Variants in SLC4A3 observed in about 807,000 individuals in gnomAD.
SLC4A3 encodes solute carrier family 4 member 3, also known as anion exchange protein 3.
In SLC4A3, 47 loss-of-function variants were observed where a neutral mutation model predicts 114.2. The observed-to-expected ratio is 0.41, with a 90% CI of 0.33 to 0.52. The LOEUF is 0.52. Among genes scored for constraint, SLC4A3 ranks in the 20% least tolerant of loss-of-function variants. SLC4A3 has a pLI of 0.21. For missense variants in SLC4A3, 1,312 were observed against 1,668.3 expected (o/e 0.79, Z 3.72); for synonymous variants, 693 against 710.3 (o/e 0.98, Z 0.39).
In SLC4A3 at chr2:219,636,657, C is replaced by T. The variant is rs201346229; in HGVS notation, c.2341-23C>T. On this transcript the variant is annotated intron_variant, in intron 15 of 22. Coordinates refer to ENST00000358055, the MANE Select transcript of SLC4A3 (RefSeq NM_005070.4). The surrounding 1 kb of genome is among the most constrained non-coding windows in gnomAD (Gnocchi z 5.5). ...CCCAGGGCAGTCCACCTGTGGGTAA[C>T]GACCGCTCCTACCCCCACCTAGTTC... is the stretch of plus-strand genomic sequence containing the variant. 1.4e-5 allele frequency: 23 copies of T among 1,599,380 alleles called. No homozygotes were observed. The highest frequency in any genetic ancestry group is 1.1e-4 in the East Asian group (5 of 44,748).
At chr2:219,635,625 C>T (rs1329453020) in intron 13 of SLC4A3, 48 bp from the exon 14 acceptor site, 20 of 1,516,178 alleles carry the variant, frequency 1.3e-5, no homozygotes, top group Middle Eastern at 1.7e-4. Context: ...CCGGGGCCTC[C>T]GAGCCAGAGG....
In SLC4A3 at chr2:219,635,751, G is replaced by A; in HGVS notation, c.2051G>A (p.Gly684Glu). The change falls in exon 14 of 23, where the codon GGG becomes GAG. Residue 684 changes from glycine to glutamate, a missense_variant. Coordinates refer to ENST00000358055, the MANE Select transcript of SLC4A3 (RefSeq NM_005070.4). ...PLLRTGSVFG[G>E]LVRDVRRRYP... ...CTGCGGACGGGCTCGGTATTTGGGG[G>A]GCTTGTGCGGGATGTGAGGCGCCGG... 1 of 1,595,076 alleles carries A rather than the reference G, an allele frequency of 6.3e-7. No individual in the cohort carries two copies. The highest frequency in any genetic ancestry group is 8.5e-7 in the Non-Finnish European group (1 of 1,173,368).
chr2:219,629,841 G>T, intron 5 of SLC4A3, 146 bp downstream of exon 5: 1 of 314,974 alleles, frequency 3.2e-6, no homozygotes. Flanking sequence ...GGGGGGTGGG[G>T]ATCCTTCTCT....
chr2:219,631,021 A>G lies in SLC4A3; in HGVS notation c.811+669A>G, dbSNP rs545123686. The G allele has an allele frequency of 8.4e-5, 54 of 642,550 alleles. No individual in the cohort carries two copies. The African/African-American group carries it at 1.1e-3, about 13-fold the overall frequency. The allele number at this position is 642,550 out of a possible 1,614,324, so 39.8% of individuals were successfully genotyped here. ...ACAGGAACAATCCGATGGCAGCAGT[A>G]GCAGCAGGATGGGGGGTGGGGGAGG... On this transcript the variant is annotated intron_variant, in intron 6 of 22. Coordinates refer to ENST00000358055, the MANE Select transcript of SLC4A3 (RefSeq NM_005070.4). The surrounding 1 kb of genome is among the most constrained non-coding windows in gnomAD (Gnocchi z 6.3).
chr2:219,637,021 C>A lies in SLC4A3; in HGVS notation c.2535+147C>A. ...TGAGGGGTTCTAGGGACACCCTAGG[C>A]TAGGTCTGAGCTGAAGGGGAGGGAG... On this transcript the variant is annotated intron_variant, in intron 16 of 22. Coordinates refer to ENST00000358055, the MANE Select transcript of SLC4A3 (RefSeq NM_005070.4). The surrounding 1 kb of genome is among the most constrained non-coding windows in gnomAD (Gnocchi z 4.6). The A allele has an allele frequency of 2.7e-6, 2 of 749,416 alleles. No individual in the cohort carries two copies. The highest frequency in any genetic ancestry group is 1.8e-5 in the South Asian group (1 of 55,650). 46.4% of individuals were successfully genotyped at this position (749,416 alleles called of 1,614,324 possible). A position where few individuals can be genotyped will look rare whatever the true frequency, so the allele number is the denominator to read the frequency against.
chr2:219,633,174 G>A, intron 9 of SLC4A3, 100 bp from the exon 10 acceptor site: 1 of 1,376,050 alleles, frequency 7.3e-7, no homozygotes, highest in South Asian at 1.4e-5. Flanking sequence ...TTTTTACACT[G>A]AGGCAGAGGG....
Position 219,628,267 on chromosome 2 carries a change from A to C in SLC4A3, c.52-138A>C. 1.0e-6 allele frequency: 1 copy of C among 980,000 alleles called. No individual in the cohort carries two copies. Among genetic ancestry groups the C allele is most frequent in the Non-Finnish European group, 1.5e-6 (1 of 674,362 alleles). 60.7% of individuals were successfully genotyped at this position (980,000 alleles called of 1,614,324 possible). A position where few individuals can be genotyped will look rare whatever the true frequency, so the allele number is the denominator to read the frequency against. ...AGAGAGGGTGGTTTCTGGGATGCTG[A>C]CACAGGCCTGGGAGCAAGGGGAGGG... On this transcript the variant is annotated intron_variant, in intron 2 of 22. Transcript: ENST00000358055. The surrounding 1 kb of genome is among the most constrained non-coding windows in gnomAD (Gnocchi z 4.8).
chr2:219,635,240 C>T (rs773112046), intron 12 of SLC4A3, 31 bp from the exon 13 acceptor site: 2 of 1,594,472 alleles, frequency 1.3e-6, no homozygotes, highest in South Asian at 2.2e-5. Context: ...TTGGCTGTCC[C>T]TGAGGGTCCT....
At position 219,637,444 on chromosome 2, in the gene SLC4A3, G is replaced by A. The variant is rs1240666848; in HGVS notation, c.2536-137G>A. 2.3e-5 allele frequency: 14 copies of A among 601,254 alleles called. No individual in the cohort carries two copies. The highest frequency in any genetic ancestry group is 3.0e-4 in the Middle Eastern group (1 of 3,362). 37.2% of individuals were successfully genotyped at this position (601,254 alleles called of 1,614,324 possible). On this transcript the variant is annotated intron_variant, in intron 16 of 22. Coordinates refer to ENST00000358055, the MANE Select transcript of SLC4A3 (RefSeq NM_005070.4). The surrounding 1 kb of genome is among the most constrained non-coding windows in gnomAD (Gnocchi z 4.6). Reference sequence around the variant, plus strand: ...GTGTTCTGTGTGTTGTGTGTGTGGTGCAGCTGGATGTCCGTGCATTACTGT... The same window carrying A: ...GTGTTCTGTGTGTTGTGTGTGTGGTACAGCTGGATGTCCGTGCATTACTGT...
chr2:219,637,612 AC>A lies in SLC4A3; in HGVS notation c.2573del (p.Pro858LeufsTer49). Reference sequence around the variant, plus strand: ...ACAGAGCACCCACTGCTGCCGTTCTACCCCCCTGAGGGGGCCCTGGAGGGGT... The same window carrying A: ...ACAGAGCACCCACTGCTGCCGTTCTACCCCCTGAGGGGGCCCTGGAGGGGT... ...VFTEHPLLPF[Y>X]PPEGALEGSL... is the part of the protein sequence containing the mutation. On this transcript the variant is annotated frameshift_variant, in exon 17 of 23. Coordinates refer to ENST00000358055, the MANE Select transcript of SLC4A3 (RefSeq NM_005070.4). LOFTEE classifies it high-confidence loss of function. The surrounding 1 kb of genome is among the most constrained non-coding windows in gnomAD (Gnocchi z 4.6). 1 of 1,605,166 alleles carries A rather than the reference AC, an allele frequency of 6.2e-7. No homozygotes were observed. Among genetic ancestry groups the A allele is most frequent in the Non-Finnish European group, 8.5e-7 (1 of 1,174,086 alleles).
At chr2:219,634,211 C>G (rs1699039207) in intron 11 of SLC4A3, among the ~76,000 whole-genome samples, 1 of 152,236 alleles carries the variant, frequency 6.6e-6, no homozygotes, top group African/African-American at 2.4e-5. Context: ...GAAAAAAAAG[C>G]AACACTTCTT....
chr2:219,633,669 T>C (rs1056980545), intron 10 of SLC4A3, among the ~76,000 whole-genome samples: 2 of 152,156 alleles, frequency 1.3e-5, no homozygotes, highest in Non-Finnish European at 2.9e-5. Context: ...ACAGGAGCTG[T>C]TTAAACAAGA....
At chr2:219,633,106 C>A in intron 9 of SLC4A3, 97 bp downstream of exon 9, 1 of 1,470,440 alleles carries the variant, frequency 6.8e-7, no homozygotes, top group Non-Finnish European at 9.3e-7. Flanking sequence ...GCTTGAATGC[C>A]ACAAGTGACA....
rs761206335 is a variant in SLC4A3, at chr2:219,633,047, C to T, written c.1277+38C>T. On this transcript the variant is annotated intron_variant, in intron 9 of 22. Coordinates refer to ENST00000358055, the MANE Select transcript of SLC4A3 (RefSeq NM_005070.4). ...GTCCCTGGGAGGGGCCTGTCCAGCT[C>T]AGCTGCCCTTCCAGGAGCACATCCT... is the stretch of plus-strand genomic sequence containing the variant. 1.0e-5 allele frequency: 16 copies of T among 1,605,756 alleles called. No homozygotes were observed. In the Admixed American group the frequency reaches 2.5e-4, roughly 25 times the overall value.
rs1197072744 is a variant in SLC4A3, at chr2:219,630,109, G to A, written c.612-44G>A. On this transcript the variant is annotated intron_variant, in intron 5 of 22. Transcript: ENST00000358055. The surrounding 1 kb of genome is among the most constrained non-coding windows in gnomAD (Gnocchi z 6.9). ...GCTGAGGGACGGTGATGGAACCACCGACCTGGCCCTGTCAAGTCCAAGGCT... is the reference window on the plus strand; with the variant it reads ...GCTGAGGGACGGTGATGGAACCACCAACCTGGCCCTGTCAAGTCCAAGGCT... The A allele has an allele frequency of 5.6e-6, 9 of 1,606,686 alleles. No individual in the cohort carries two copies. The highest frequency in any genetic ancestry group is 1.7e-5 in the Admixed American group (1 of 59,600).
In SLC4A3 at chr2:219,637,825, G is replaced by A; in HGVS notation, c.2766+14G>A. On this transcript the variant is annotated intron_variant, in intron 17 of 22. Coordinates refer to ENST00000358055, the MANE Select transcript of SLC4A3 (RefSeq NM_005070.4). The surrounding 1 kb of genome is among the most constrained non-coding windows in gnomAD (Gnocchi z 4.6). ...CTGGGGGGCAAGGTGCGTGGCTGCT[G>A]GGTGTGGAGCCCCCAAGAGTCCCAC... is the stretch of plus-strand genomic sequence containing the variant. 6.3e-7 allele frequency: 1 copy of A among 1,583,010 alleles called. No homozygotes were observed. Among genetic ancestry groups the A allele is most frequent in the Non-Finnish European group, 8.7e-7 (1 of 1,151,842 alleles).
rs367773989 is a variant in SLC4A3, at chr2:219,632,312, C to T, written c.1011C>T (p.His337=). The change falls in exon 8 of 23, where the codon CAC becomes CAT. Residue 337 remains histidine (H), a synonymous_variant. Coordinates refer to ENST00000358055, the MANE Select transcript of SLC4A3 (RefSeq NM_005070.4). ...TGCTGGACCGCAGCCAGGAGCCCCA[C>T]TGGCGGGAGACGGCCCGCTGGATCA... ...ELMLDRSQEP[H]WRETARWIKF... The T allele has an allele frequency of 9.9e-6, 16 of 1,614,000 alleles. No homozygotes were observed. The African/African-American group carries it at 2.1e-4, about 22-fold the overall frequency.
In SLC4A3 at chr2:219,628,875, A is replaced by G. The variant is rs1698816262; in HGVS notation, c.218-269A>G. On this transcript the variant is annotated intron_variant, in intron 3 of 22. Coordinates refer to ENST00000358055, the MANE Select transcript of SLC4A3 (RefSeq NM_005070.4). This position sits in a 1 kb window ranked among gnomAD's most constrained non-coding sequence, Gnocchi z 4.8. ...ACTCCCTCCTTGTCCCACCTCGGCT[A>G]GTCCAACTCCGCCTTTCCCCTCCTT... The G allele has an allele frequency of 1.4e-5, 8 of 577,524 alleles. No individual in the cohort carries two copies. The highest frequency in any genetic ancestry group is 3.0e-6 in the Non-Finnish European group (1 of 331,272). The allele number at this position is 577,524 out of a possible 1,614,324, so 35.8% of individuals were successfully genotyped here.
rs748906641 is a variant in SLC4A3, at chr2:219,640,933, C to G, written c.3592C>G (p.Arg1198Gly). Residue 1198 changes from arginine to glycine, a missense_variant, in exon 22 of 23, where the codon CGG (arginine) becomes GGG (glycine). Arg to Gly is a moderately radical substitution (Grantham distance 125). Transcript: ENST00000358055. ...GCCTCTGAGGCATTGCCTTCTGCCCCGGCTCTTCCAGGACAGGGAGCTGCA... is the reference window on the plus strand; with the variant it reads ...GCCTCTGAGGCATTGCCTTCTGCCCGGGCTCTTCCAGGACAGGGAGCTGCA... ...TVPLRHCLLP[R>G]LFQDRELQAL... 1.2e-6 allele frequency: 2 copies of G among 1,608,296 alleles called. No individual in the cohort carries two copies. Among genetic ancestry groups the G allele is most frequent in the Non-Finnish European group, 1.7e-6 (2 of 1,179,992 alleles).
Sources: gnomAD v4.1 joint callset for allele counts (sites outside exome capture counted in the v4.1 genomes callset) on GRCh38, gnomAD v4.1.1 for gene constraint, Gnocchi (gnomAD v3.1) non-coding constraint, MANE v1.5 for transcripts, NCBI Gene and HGNC (gene_info 2026-07-23, HGNC 2026-07-21) for gene names.